HADHB: variants seen among roughly 807,000 people sequenced by gnomAD.
HADHB encodes hydroxyacyl-CoA dehydrogenase trifunctional multienzyme complex subunit beta, also known as trifunctional enzyme subunit beta, mitochondrial.
Under a neutral mutation model 61.9 loss-of-function variants are expected in HADHB, and 50 were observed. That is an observed-to-expected ratio of 0.81 (90% CI 0.64 to 1.02). The LOEUF is 1.02. Among genes scored for constraint, HADHB ranks in the 50% least tolerant of loss-of-function variants. HADHB has a pLI of 0.00. For missense variants in HADHB, 504 were observed against 586.5 expected, an observed-to-expected ratio of 0.86 and a Z score of 1.45; for synonymous variants, 191 against 201.6, an observed-to-expected ratio of 0.95 and a Z score of 0.45.
chr2:26,270,120 A>T (rs937241059), intron 5 of HADHB, 123 bp downstream of exon 5: 9 of 756,744 alleles, frequency 1.2e-5, no homozygotes, highest in Non-Finnish European at 2.2e-5. Flanking sequence ...TAAGCAGCTT[A>T]TGAATATTGT....
chr2:26,270,072 A>C (rs918553986), intron 5 of HADHB, 75 bp downstream of exon 5: 1 of 965,926 alleles, frequency 1.0e-6, no homozygotes, highest in East Asian at 2.4e-5. Flanking sequence ...ATAAAATAGC[A>C]ATTTGTTCTT....
At chr2:26,255,249 C>T (rs531322207) in intron 3 of HADHB, among the ~76,000 whole-genome samples, 2 of 152,230 alleles carry the variant, frequency 1.3e-5, no homozygotes, top group East Asian at 1.9e-4. Context: ...CCTGTAATCC[C>T]AGCACTTTGG....
At chr2:26,263,705 A>C (rs528611450) in intron 4 of HADHB, among the ~76,000 whole-genome samples, 1 of 152,350 alleles carries the variant, frequency 6.6e-6, no homozygotes, top group South Asian at 2.1e-4. Flanking sequence ...TACTTGAAAC[A>C]GCTCTATTTT....
chr2:26,248,867 G>C (rs1198635134), intron 1 of HADHB, among the ~76,000 whole-genome samples: 1 of 152,016 alleles, frequency 6.6e-6, no homozygotes, highest in Non-Finnish European at 1.5e-5. Flanking sequence ...GACCAGCCTG[G>C]CCAACATGGT....
chr2:26,286,823 T>G (rs535738451), intron 15 of HADHB, among the ~76,000 whole-genome samples: 62 of 151,304 alleles, frequency 4.1e-4, no homozygotes, highest in African/African-American at 1.4e-3. Flanking sequence ...GTTTTTTTTT[T>G]TTTTTTTTAA....
Position 26,277,657 on chromosome 2 carries a change from C to T in HADHB, c.442+497C>T, listed in dbSNP as rs958272522. Among the ~76,000 whole-genome samples, 4 of 152,164 alleles carry T rather than the reference C, an allele frequency of 2.6e-5. 1 individual carries two copies. Among genetic ancestry groups the T allele is most frequent in the Admixed American group, 2.6e-4 (4 of 15,284 alleles). ...CGTAGTTAACCTCTTTTTTTGCTCT[C>T]CATACCTGAGGAACATTACCATTGG... On this transcript the variant is annotated intron_variant, in intron 7 of 15. Coordinates refer to ENST00000317799, the MANE Select transcript of HADHB (RefSeq NM_000183.3).
At chr2:26,284,296 T>G in intron 13 of HADHB, 92 bp downstream of exon 13, 1 of 807,604 alleles carries the variant, frequency 1.2e-6, no homozygotes. Flanking sequence ...GTTTATGATG[T>G]GAGTAGAGCA....
chr2:26,255,847 G>C (rs1671587241), intron 3 of HADHB, among the ~76,000 whole-genome samples: 1 of 152,148 alleles, frequency 6.6e-6, no homozygotes, highest in Admixed American at 6.5e-5. Context: ...TAGAATATAG[G>C]TTTGTAGTAG....
At chr2:26,276,803 T>C (rs1672546972) in intron 6 of HADHB, among the ~76,000 whole-genome samples, 1 of 152,182 alleles carries the variant, frequency 6.6e-6, no homozygotes, top group Non-Finnish European at 1.5e-5. Flanking sequence ...AAAACATCGA[T>C]AAGAAATTAG....
At chr2:26,272,776 G>A (rs1327732445) in intron 5 of HADHB, among the ~76,000 whole-genome samples, 1 of 151,996 alleles carries the variant, frequency 6.6e-6, no homozygotes, top group Non-Finnish European at 1.5e-5. Context: ...TTTTAATGGG[G>A]AATGGCATTT....
intron 15 of HADHB, among the ~76,000 whole-genome samples, chr2:26,286,606 G>A (rs943336278): frequency 3.3e-5 from 5 of 152,028 alleles, no homozygotes; most frequent in South Asian, 2.1e-4. Flanking sequence ...GAGTTCAAGC[G>A]ATTCTCCTGT....
chr2:26,278,920 T>A, intron 8 of HADHB, 119 bp downstream of exon 8: 1 of 1,022,918 alleles, frequency 9.8e-7, no homozygotes, highest in South Asian at 1.3e-5. Context: ...GGTTAATTAC[T>A]TGCTCAAGAT....
chr2:26,268,547 C>T lies in HADHB; in HGVS notation c.210-1406C>T, dbSNP rs1178044942. Among the ~76,000 whole-genome samples, 7 of 152,194 alleles carry T rather than the reference C, an allele frequency of 4.6e-5. No homozygotes were observed. The South Asian group carries it at 1.2e-3, about 27-fold the overall frequency. On this transcript the variant is annotated intron_variant, in intron 4 of 15. Transcript: ENST00000317799. ...ATATCATGTGCCCCCTGATACGAAG[C>T]TAAGAGAAATACAGTTTACCTCTGT... is the stretch of plus-strand genomic sequence containing the variant.
Position 26,279,203 on chromosome 2 carries a change from C to T in HADHB, c.699C>T (p.Ala233=), listed in dbSNP as rs755856006. The change falls in exon 9 of 16, where the codon GCC becomes GCT. Residue 233 remains alanine (A), a synonymous_variant. Transcript: ENST00000317799. The part of the protein sequence containing the change: ...MGHSADRLAA[A]FAVSRLEQDE... ...ACTCTGCAGACCGACTGGCCGCTGC[C>T]TTTGCTGTTTCTCGGCTGGAACAGG... The T allele has an allele frequency of 1.2e-5, 19 of 1,613,708 alleles. No homozygotes were observed. The highest frequency in any genetic ancestry group is 1.6e-5 in the Non-Finnish European group (19 of 1,179,774).
rs1673218891 is a variant in HADHB at position 26,290,332 on chromosome 2, T to C, written c.*379T>C. ...ATCTGTGTCCTAAAGATGTGTTCTC[T>C]ATAAAATACAAACCAACGTGCCTAA... On this transcript the variant is annotated 3_prime_UTR_variant, in exon 16 of 16. Transcript: ENST00000317799. 1 of 232,468 alleles carries C rather than the reference T, an allele frequency of 4.3e-6. No individual in the cohort carries two copies. The highest frequency in any genetic ancestry group is 6.4e-5 in the South Asian group (1 of 15,690). 14.4% of individuals were successfully genotyped at this position (232,468 alleles called of 1,614,324 possible). A position where few individuals can be genotyped will look rare whatever the true frequency, so the allele number is the denominator to read the frequency against.
chr2:26,256,181 A>G (rs1671599499), intron 3 of HADHB, among the ~76,000 whole-genome samples: 1 of 152,194 alleles, frequency 6.6e-6, no homozygotes, highest in Admixed American at 6.5e-5. Context: ...GCTGATGATG[A>G]TAGTGGTACC....
At chr2:26,286,257 T>C (rs1242246345) in intron 15 of HADHB, among the ~76,000 whole-genome samples, 3 of 152,218 alleles carry the variant, frequency 2.0e-5, no homozygotes, top group African/African-American at 7.2e-5. Context: ...TTAACTTTTA[T>C]TTATCTAGTC....
intron 6 of HADHB, among the ~76,000 whole-genome samples, chr2:26,276,385 A>G (rs930488492): frequency 5.3e-5 from 8 of 152,314 alleles, no homozygotes; most frequent in African/African-American, 1.7e-4. Context: ...AACTCAGGCA[A>G]TTCTCCAGTT....
At chr2:26,260,081 GTTTTTTTTT>G (rs35276756) in intron 3 of HADHB, among the ~76,000 whole-genome samples, 11 of 133,568 alleles carry the variant, frequency 8.2e-5, no homozygotes, top group African/African-American at 3.0e-4. Flanking sequence ...GTTTTTTCTG[GTTTTTTTTT>G]TTTTTTTTTG....
Sources: allele counts gnomAD v4.1 joint callset (sites outside exome capture counted in the v4.1 genomes callset), GRCh38; gene constraint gnomAD v4.1.1; transcripts MANE v1.5; gene names NCBI Gene and HGNC (gene_info 2026-07-23, HGNC 2026-07-21).